The following ZFPM2 variants were observed in gnomAD, a reference collection of about 807,000 sequenced individuals.
ZFPM2 encodes zinc finger protein ZFPM2.
In ZFPM2, 20 loss-of-function variants were observed where a neutral mutation model predicts 98.6. The observed-to-expected ratio is 0.20, with a 90% CI of 0.14 to 0.29. ZFPM2 has a LOEUF of 0.29. ZFPM2 is among the 10% of genes least tolerant of loss of function. ZFPM2 has a pLI of 1.00. For missense variants in ZFPM2, 1,310 were observed against 1,388.6 expected (o/e 0.94, Z 0.90); for synonymous variants, 518 against 502.7 (o/e 1.03, Z -0.41).
At chr8:105,740,305 AAT>A (rs2131031779) in intron 5 of ZFPM2, among the ~76,000 whole-genome samples, 1 of 152,116 alleles carries the variant, frequency 6.6e-6, no homozygotes, top group South Asian at 2.1e-4. Context: ...GGTCAATATA[AAT>A]ATGAGAGATA....
intron 3 of ZFPM2, among the ~76,000 whole-genome samples, chr8:105,459,319 G>C (rs1319258552): frequency 6.6e-6 from 1 of 152,174 alleles, no homozygotes; most frequent in Non-Finnish European, 1.5e-5. Flanking sequence ...GGGTGTGTGT[G>C]TGGTGGCAGG....
intron 4 of ZFPM2, among the ~76,000 whole-genome samples, chr8:105,592,538 G>T (rs141241500): frequency 1.5e-3 from 232 of 152,186 alleles, no homozygotes; most frequent in Non-Finnish European, 1.6e-3. Flanking sequence ...ATAGACTGTG[G>T]ATATATGTCA....
At chr8:105,508,783 T>G (rs1813752872) in intron 3 of ZFPM2, among the ~76,000 whole-genome samples, 1 of 147,242 alleles carries the variant, frequency 6.8e-6, no homozygotes, top group Non-Finnish European at 1.5e-5. Context: ...CCCATCTTTC[T>G]GCAGAAAACG....
At chr8:105,675,488 T>G (rs1403822348) in intron 5 of ZFPM2, among the ~76,000 whole-genome samples, 5 of 152,114 alleles carry the variant, frequency 3.3e-5, no homozygotes, top group Non-Finnish European at 7.4e-5. Context: ...AAATCTAGCT[T>G]TAATATTCTG....
chr8:105,793,869 C>A (rs7834036), intron 6 of ZFPM2, among the ~76,000 whole-genome samples: 8 of 150,000 alleles, frequency 5.3e-5, no homozygotes, highest in Admixed American at 4.6e-4. Flanking sequence ...TTGATCACAT[C>A]GGCTCCTGAG....
chr8:105,630,409 A>G (rs372118816), intron 4 of ZFPM2, among the ~76,000 whole-genome samples: 1 of 152,194 alleles, frequency 6.6e-6, no homozygotes, highest in Non-Finnish European at 1.5e-5. Context: ...TCAGAAAGAA[A>G]TTGACTTACC....
At chr8:105,755,643 C>G (rs866330408) in intron 5 of ZFPM2, among the ~76,000 whole-genome samples, 3 of 152,190 alleles carry the variant, frequency 2.0e-5, no homozygotes, top group African/African-American at 4.8e-5. Context: ...ACTATATACT[C>G]TAATGTATTT....
chr8:105,782,632 C>G (rs1279230970), intron 5 of ZFPM2: 2 of 152,108 alleles, frequency 1.3e-5, no homozygotes, highest in Non-Finnish European at 2.9e-5. Flanking sequence ...GCTCAAGTAC[C>G]TGATATAAAA....
chr8:105,359,429 G>A (rs1387912848), intron 1 of ZFPM2, among the ~76,000 whole-genome samples: 1 of 147,418 alleles, frequency 6.8e-6, no homozygotes, highest in Non-Finnish European at 1.5e-5. Flanking sequence ...TGGCTGGAGT[G>A]CAGTGACATG....
intron 1 of ZFPM2, among the ~76,000 whole-genome samples, chr8:105,400,882 T>C (rs1257264243): frequency 6.6e-6 from 1 of 152,046 alleles, no homozygotes; most frequent in African/African-American, 2.4e-5. Flanking sequence ...GTCGTACCCA[T>C]ATTAGACAAT....
intron 1 of ZFPM2, among the ~76,000 whole-genome samples, chr8:105,320,805 C>T (rs1291576502): frequency 6.6e-6 from 1 of 152,054 alleles, no homozygotes; most frequent in Admixed American, 6.5e-5. Flanking sequence ...TGATGCTACT[C>T]TTGTGTTACA....
intron 3 of ZFPM2, among the ~76,000 whole-genome samples, chr8:105,516,070 C>T (rs1017536142): frequency 1.3e-5 from 2 of 151,694 alleles, no homozygotes; most frequent in Admixed American, 6.6e-5. Context: ...GGATTGCAGG[C>T]GCCCACAACC....
chr8:105,501,825 C>G (rs1358986953), intron 3 of ZFPM2, among the ~76,000 whole-genome samples: 1 of 152,116 alleles, frequency 6.6e-6, no homozygotes, highest in East Asian at 1.9e-4. Context: ...TTTTAATTGA[C>G]TTTTATTCAG....
chr8:105,327,680 A>G (rs762799212), intron 1 of ZFPM2, among the ~76,000 whole-genome samples: 2 of 151,828 alleles, frequency 1.3e-5, no homozygotes, highest in South Asian at 2.1e-4. Flanking sequence ...TGCATGCTAC[A>G]TTAAGATTAC....
chr8:105,388,864 A>G (rs1811051968), intron 1 of ZFPM2, among the ~76,000 whole-genome samples: 1 of 152,196 alleles, frequency 6.6e-6, no homozygotes, highest in Non-Finnish European at 1.5e-5. Flanking sequence ...TTAAGAACTC[A>G]GAACTGTTTC....
At chr8:105,410,354 A>T (rs1408135174) in intron 1 of ZFPM2, among the ~76,000 whole-genome samples, 4 of 151,896 alleles carry the variant, frequency 2.6e-5, no homozygotes, top group Non-Finnish European at 5.9e-5. Flanking sequence ...TCTTTGCCCT[A>T]TGAAACGATT....
chr8:105,546,644 C>T (rs1217961052), intron 3 of ZFPM2, among the ~76,000 whole-genome samples: 2 of 151,548 alleles, frequency 1.3e-5, no homozygotes, highest in African/African-American at 2.4e-5. Flanking sequence ...ACTATGTGCT[C>T]GACATTATAC....
chr8:105,797,620 A>G (rs2131166142), intron 6 of ZFPM2, among the ~76,000 whole-genome samples: 1 of 152,262 alleles, frequency 6.6e-6, no homozygotes, highest in Non-Finnish European at 1.5e-5. Context: ...CCGTGCCTCA[A>G]CAGTACAGAA....
intron 6 of ZFPM2, among the ~76,000 whole-genome samples, chr8:105,791,485 A>G (rs1268660858): frequency 1.1e-4 from 16 of 151,872 alleles, no homozygotes; most frequent in Middle Eastern, 3.5e-3. Flanking sequence ...TGCTGGATTC[A>G]GTTTGCCAGT....
Sources: gnomAD v4.1 joint callset for allele counts (sites outside exome capture counted in the v4.1 genomes callset) on GRCh38, gnomAD v4.1.1 for gene constraint, MANE v1.5 for transcripts, NCBI Gene and HGNC (gene_info 2026-07-23, HGNC 2026-07-21) for gene names.